The following ANO3 variants were observed in gnomAD, a reference collection of about 807,000 sequenced individuals.
ANO3 encodes the protein anoctamin-3.
Under a neutral mutation model 144.8 loss-of-function variants are expected in ANO3, and 99 were observed. The ratio of observed to expected loss-of-function variants is 0.68; its 90% CI spans 0.58 to 0.81. ANO3 has a LOEUF of 0.81. Ranked by LOEUF, ANO3 falls within the 30% of genes least tolerant of loss-of-function variation. The probability of loss-of-function intolerance (pLI) is 0.00; values close to 1 mark genes in which losing one functional copy is unlikely to be tolerated. For missense variants in ANO3, 905 were observed against 1,202.2 expected (o/e 0.75, Z 3.66); for synonymous variants, 414 against 392.6 (o/e 1.05, Z -0.64).
At chr11:26,280,290 T>A (rs912374196) in intron 1 of ANO3, among the ~76,000 whole-genome samples, 1 of 152,140 alleles carries the variant, frequency 6.6e-6, no homozygotes, top group African/African-American at 2.4e-5. Context: ...CATTCCTAAA[T>A]CCTAGTGTAT....
chr11:26,234,880 C>T (rs567992913), intron 1 of ANO3, among the ~76,000 whole-genome samples: 110 of 152,118 alleles, frequency 7.2e-4, no homozygotes, highest in African/African-American at 2.6e-3. Context: ...AGTATAAATT[C>T]CAGTCCAAAT....
intron 13 of ANO3, 62 bp from the exon 14 acceptor site, chr11:26,559,657 G>A (rs1396860368): frequency 9.4e-6 from 11 of 1,164,272 alleles, no homozygotes; most frequent in Non-Finnish European, 1.3e-5. Flanking sequence ...AGTGCAAACA[G>A]TATTCACTGG....
At chr11:26,385,270 G>A (rs1856692021) in intron 1 of ANO3, among the ~76,000 whole-genome samples, 1 of 152,096 alleles carries the variant, frequency 6.6e-6, no homozygotes, top group African/African-American at 2.4e-5. Context: ...TATAAAAGGG[G>A]AAAACTAGAA....
rs1853876807 is a variant in ANO3 at position 26,661,494 on chromosome 11, T to G, written c.*1050T>G. 6.6e-6 allele frequency: 1 copy of G among 152,572 alleles called. No individual in the cohort carries two copies. Among genetic ancestry groups the G allele is most frequent in the Non-Finnish European group, 1.5e-5 (1 of 68,022 alleles). The allele number at this position is 152,572 out of a possible 1,614,324, so 9.5% of individuals were successfully genotyped here. Reference sequence around the variant, plus strand: ...AGATGCTCTGCAACACTTACGCTTTTTCAACAATGTGCACTCTTACTCATG... The same window carrying G: ...AGATGCTCTGCAACACTTACGCTTTGTCAACAATGTGCACTCTTACTCATG... On this transcript the variant is annotated 3_prime_UTR_variant, in exon 27 of 27. Transcript: ENST00000256737.
In ANO3 at chr11:26,294,144, A is replaced by G. The variant is rs139404655; in HGVS notation, c.155-15501A>G. 1.2e-4 allele frequency among the ~76,000 whole-genome samples: 18 copies of G among 152,306 alleles called. No homozygotes were observed. The East Asian group carries it at 3.3e-3, about 28-fold the overall frequency. On this transcript the variant is annotated intron_variant, in intron 1 of 27. Coordinates refer to the ANO3 transcript ENST00000672621. ...AAATACGTTTAAAGGACTGTTGTCC[A>G]CAATTTGGAAATTATAGTCTATAAT...
chr11:26,440,593 A>G (rs1056846187), intron 1 of ANO3, among the ~76,000 whole-genome samples: 1 of 152,162 alleles, frequency 6.6e-6, no homozygotes, highest in Non-Finnish European at 1.5e-5. Context: ...ATTAGGTACA[A>G]TAAGGATATC....
chr11:26,230,895 T>A (rs536011438), intron 1 of ANO3, among the ~76,000 whole-genome samples: 1 of 149,694 alleles, frequency 6.7e-6, no homozygotes, highest in Non-Finnish European at 1.5e-5. Flanking sequence ...TTCTTTTTTT[T>A]TTTTTTTCTT....
chr11:26,488,959 A>T (rs919748424), intron 4 of ANO3, among the ~76,000 whole-genome samples: 7 of 152,146 alleles, frequency 4.6e-5, no homozygotes, highest in African/African-American at 1.7e-4. Context: ...GTTTTTACAG[A>T]GTGCTGATTG....
At chr11:26,249,933 A>G (rs1852888611) in intron 1 of ANO3, among the ~76,000 whole-genome samples, 1 of 152,184 alleles carries the variant, frequency 6.6e-6, no homozygotes, top group African/African-American at 2.4e-5. Context: ...CTTTACTCTC[A>G]ATATGTCACC....
chr11:26,443,643 A>C, intron 2 of ANO3, 122 bp from the exon 3 acceptor site: 1 of 508,722 alleles, frequency 2.0e-6, no homozygotes, highest in Non-Finnish European at 3.4e-6. Context: ...AACTAATTTT[A>C]ATTCATTAAG....
At chr11:26,623,435 G>A (rs975009440) in intron 17 of ANO3, among the ~76,000 whole-genome samples, 3 of 152,120 alleles carry the variant, frequency 2.0e-5, no homozygotes, top group Non-Finnish European at 4.4e-5. Flanking sequence ...TGTCTATAGC[G>A]AATACTTTCC....
intron 17 of ANO3, among the ~76,000 whole-genome samples, chr11:26,604,320 T>C (rs1015993165): frequency 1.4e-4 from 22 of 152,200 alleles, no homozygotes; most frequent in Non-Finnish European, 1.2e-4. Context: ...TGTAGCCTTG[T>C]AGTATAGTTT....
At chr11:26,541,916 A>T in intron 10 of ANO3, 31 bp from the exon 11 acceptor site, 1 of 1,587,828 alleles carries the variant, frequency 6.3e-7, no homozygotes, top group Non-Finnish European at 8.5e-7. Context: ...TAAAAAATAG[A>T]ACCAAATGTA....
At chr11:26,513,541 T>G (rs1241269892) in intron 5 of ANO3, among the ~76,000 whole-genome samples, 1 of 152,168 alleles carries the variant, frequency 6.6e-6, no homozygotes, top group African/African-American at 2.4e-5. Flanking sequence ...TCCAGATCTC[T>G]TCCAGCGTTC....
chr11:26,319,144 C>CATCATCATCATCATTATT (rs1554938770), intron 1 of ANO3, among the ~76,000 whole-genome samples: 3 of 150,834 alleles, frequency 2.0e-5, no homozygotes, highest in African/African-American at 7.3e-5. Context: ...TTCCAGATAA[C>CATCATCATCATCATTATT]ATTATTATTA....
intron 6 of ANO3, 34 bp from the exon 7 acceptor site, chr11:26,525,601 G>A: frequency 6.3e-7 from 1 of 1,582,536 alleles, no homozygotes; most frequent in Non-Finnish European, 8.7e-7. Flanking sequence ...ATTTTCCTGT[G>A]GCTTTCCTTA....
chr11:26,292,184 C>A (rs1403609062), intron 1 of ANO3, among the ~76,000 whole-genome samples: 1 of 152,116 alleles, frequency 6.6e-6, no homozygotes, highest in Non-Finnish European at 1.5e-5. Context: ...GATAGCCTTT[C>A]TTCCACTTGA....
chr11:26,562,678 G>A (rs1850340010), intron 14 of ANO3, among the ~76,000 whole-genome samples: 1 of 151,882 alleles, frequency 6.6e-6, no homozygotes, highest in Non-Finnish European at 1.5e-5. Flanking sequence ...GGTTAATGGA[G>A]GGCTGCTGTG....
At chr11:26,272,737 G>A (rs577930892) in intron 1 of ANO3, among the ~76,000 whole-genome samples, 4 of 152,268 alleles carry the variant, frequency 2.6e-5, no homozygotes, top group Admixed American at 2.6e-4. Context: ...CTATCTGCCT[G>A]CACAGGTTCT....
Sources: allele counts gnomAD v4.1 joint callset (sites outside exome capture counted in the v4.1 genomes callset), GRCh38; gene constraint gnomAD v4.1.1; transcripts MANE v1.5; gene names NCBI Gene and HGNC (gene_info 2026-07-23, HGNC 2026-07-21).